BRINP1: variants seen among roughly 807,000 people sequenced by gnomAD.
BRINP1 encodes BMP/retinoic acid inducible neural specific 1.
Under a neutral mutation model 72.9 loss-of-function variants are expected in BRINP1, and 17 were observed. The observed-to-expected ratio is 0.23, with a 90% CI of 0.16 to 0.35. The LOEUF (loss-of-function observed/expected upper bound fraction) is 0.35. Among genes scored for constraint, BRINP1 ranks in the 10% least tolerant of loss-of-function variants. The pLI is 1.00. For missense variants in BRINP1, 850 were observed against 1,001.6 expected (o/e 0.85, Z 2.04); for synonymous variants, 418 against 378.5 (o/e 1.10, Z -1.21).
chr9:119,353,769 G>A (rs1222123734), intron 1 of BRINP1, among the ~76,000 whole-genome samples: 1 of 148,712 alleles, frequency 6.7e-6, no homozygotes, highest in African/African-American at 2.5e-5. Flanking sequence ...GCTGTACATG[G>A]CATGTGTTTA....
intron 2 of BRINP1, among the ~76,000 whole-genome samples, chr9:119,264,037 C>T (rs1287238158): frequency 6.6e-6 from 1 of 152,146 alleles, no homozygotes; most frequent in Non-Finnish European, 1.5e-5. Context: ...AATACAGAGC[C>T]CCTGGAATCT....
At position 119,243,603 on chromosome 9, in the gene BRINP1, G is replaced by A. The variant is rs558867397; in HGVS notation, c.410-1387C>T. Reference sequence around the variant, plus strand: ...ATTGCTGGGACAAATGGTATTTCTGGTTCTAGATCTTTGAGGAATCACCAC... The same window carrying A: ...ATTGCTGGGACAAATGGTATTTCTGATTCTAGATCTTTGAGGAATCACCAC... On this transcript the variant is annotated intron_variant, in intron 3 of 7. Coordinates refer to ENST00000265922, the MANE Select transcript of BRINP1 (RefSeq NM_014618.3). Among the ~76,000 whole-genome samples, 46 of 152,240 alleles carry A rather than the reference G, an allele frequency of 3.0e-4. No individual in the cohort carries two copies. In the South Asian group the frequency reaches 3.7e-3, roughly 12 times the overall value.
In BRINP1 at chr9:119,222,967, C is replaced by T. The variant is rs187847217; in HGVS notation, c.686-8812G>A. On this transcript the variant is annotated intron_variant, in intron 5 of 7. Transcript: ENST00000265922. ...AATTTGGTACCTGTAAGAGTCTGTG[C>T]TACCTGATCCCTGGATCAGCTGATG... 8.9e-4 allele frequency among the ~76,000 whole-genome samples: 135 copies of T among 152,100 alleles called. 1 individual carries two copies. Among genetic ancestry groups the T allele is most frequent in the East Asian group, 7.7e-4 (4 of 5,170 alleles).
At chr9:119,216,572 A>G (rs983782886) in intron 5 of BRINP1, among the ~76,000 whole-genome samples, 3 of 152,144 alleles carry the variant, frequency 2.0e-5, no homozygotes, top group African/African-American at 7.2e-5. Context: ...TATCTATATC[A>G]CCATTTTCTC....
At chr9:119,303,851 A>C (rs1830965785) in intron 2 of BRINP1, among the ~76,000 whole-genome samples, 1 of 150,206 alleles carries the variant, frequency 6.7e-6, no homozygotes, top group Non-Finnish European at 1.5e-5. Context: ...CATTTGCTCT[A>C]TGCTAAAGAC....
intron 7 of BRINP1, among the ~76,000 whole-genome samples, chr9:119,169,866 G>A (rs1588152368): frequency 6.6e-6 from 1 of 150,852 alleles, no homozygotes; most frequent in African/African-American, 2.5e-5. Flanking sequence ...CCGCCAGCAG[G>A]GGCACACTGA....
At chr9:119,286,852 C>G (rs962401211) in intron 2 of BRINP1, among the ~76,000 whole-genome samples, 35 of 152,154 alleles carry the variant, frequency 2.3e-4, no homozygotes, top group African/African-American at 8.4e-4. Context: ...GTCAAGACGC[C>G]TATCCACTCT....
At chr9:119,314,945 C>T (rs1831110414) in intron 1 of BRINP1, among the ~76,000 whole-genome samples, 1 of 152,102 alleles carries the variant, frequency 6.6e-6, no homozygotes, top group African/African-American at 2.4e-5. Context: ...CAACTTATTC[C>T]CTATGACAGT....
intron 5 of BRINP1, among the ~76,000 whole-genome samples, chr9:119,237,457 G>C (rs1242223122): frequency 6.6e-6 from 1 of 151,242 alleles, no homozygotes; most frequent in African/African-American, 2.4e-5. Context: ...CTGCCTCCCG[G>C]GTTCATGCCC....
At chr9:119,276,399 A>AT (rs929456574) in intron 2 of BRINP1, among the ~76,000 whole-genome samples, 5 of 152,170 alleles carry the variant, frequency 3.3e-5, no homozygotes, top group Non-Finnish European at 7.4e-5. Context: ...AATATAAACT[A>AT]TTTTTGTGGG....
intron 1 of BRINP1, among the ~76,000 whole-genome samples, chr9:119,341,939 TG>T (rs2119024394): frequency 6.6e-6 from 1 of 152,214 alleles, no homozygotes; most frequent in South Asian, 2.1e-4. Flanking sequence ...AATTTTTTTT[TG>T]TATCTTTAGT....
intron 6 of BRINP1, among the ~76,000 whole-genome samples, chr9:119,210,816 A>G (rs1238018463): frequency 6.6e-6 from 1 of 152,234 alleles, no homozygotes; most frequent in African/African-American, 2.4e-5. Flanking sequence ...CCCATCTGCT[A>G]ACAGGAATAA....
At chr9:119,328,723 T>G (rs1587962364) in intron 1 of BRINP1, among the ~76,000 whole-genome samples, 1 of 152,238 alleles carries the variant, frequency 6.6e-6, no homozygotes, top group East Asian at 1.9e-4. Context: ...TGAACAATGT[T>G]GTTGGAGCAA....
At chr9:119,317,657 C>T (rs376378939) in intron 1 of BRINP1, among the ~76,000 whole-genome samples, 1 of 152,322 alleles carries the variant, frequency 6.6e-6, no homozygotes, top group East Asian at 1.9e-4. Flanking sequence ...AACGGCATCA[C>T]ATTCTACAAA....
intron 7 of BRINP1, among the ~76,000 whole-genome samples, chr9:119,179,689 A>G (rs765651158): frequency 1.1e-4 from 17 of 152,306 alleles, no homozygotes; most frequent in Admixed American, 8.5e-4. Context: ...AAGGCCACAG[A>G]GAGACTGCGA....
chr9:119,252,552 ACG>A (rs887225513), intron 2 of BRINP1, among the ~76,000 whole-genome samples: 54 of 146,866 alleles, frequency 3.7e-4, no homozygotes, highest in Non-Finnish European at 3.9e-4. Context: ...ATATAGTCAT[ACG>A]TGTGTGTGTG....
At chr9:119,352,078 G>T (rs1256915270) in intron 1 of BRINP1, among the ~76,000 whole-genome samples, 1 of 152,074 alleles carries the variant, frequency 6.6e-6, no homozygotes, top group Non-Finnish European at 1.5e-5. Flanking sequence ...GATTACAGGT[G>T]TGAGCCACCA....
At chr9:119,197,675 C>A (rs1442027294) in intron 7 of BRINP1, among the ~76,000 whole-genome samples, 1 of 142,546 alleles carries the variant, frequency 7.0e-6, no homozygotes, top group Non-Finnish European at 1.5e-5. Flanking sequence ...GCTGATGGAG[C>A]ACTGAACACT....
intron 7 of BRINP1, among the ~76,000 whole-genome samples, chr9:119,205,107 C>G (rs943392247): frequency 6.6e-6 from 1 of 152,124 alleles, no homozygotes; most frequent in African/African-American, 2.4e-5. Flanking sequence ...CGACACTGCT[C>G]CATGCCAGAG....
Sources: allele counts gnomAD v4.1 joint callset (sites outside exome capture counted in the v4.1 genomes callset), GRCh38; gene constraint gnomAD v4.1.1; transcripts MANE v1.5; gene names NCBI Gene and HGNC (gene_info 2026-07-23, HGNC 2026-07-21).